Variants in EYS observed in about 807,000 individuals in gnomAD.
EYS encodes the protein protein eyes shut homolog.
Under a neutral mutation model 282.1 loss-of-function variants are expected in EYS, and 250 were observed. The observed-to-expected ratio is 0.89, with a 90% CI of 0.80 to 0.98. EYS has a LOEUF of 0.98. Ranked by LOEUF, EYS falls within the 50% of genes least tolerant of loss-of-function variation. The pLI is 0.00. For synonymous variants in EYS, 1,355 were observed against 1,282.9 expected (o/e 1.06, Z -1.20); for missense variants, 4,016 against 3,709.0 (o/e 1.08, Z -2.15).
intron 9 of EYS, among the ~76,000 whole-genome samples, chr6:65,348,548 T>TC (rs1045276288): frequency 6.6e-6 from 1 of 151,744 alleles, no homozygotes; most frequent in Non-Finnish European, 1.5e-5. Context: ...AGATCTTTTT[T>TC]CCCATTTCTA....
chr6:63,945,668 A>G (rs560191187), intron 35 of EYS, among the ~76,000 whole-genome samples: 3 of 152,344 alleles, frequency 2.0e-5, no homozygotes, highest in Middle Eastern at 3.4e-3. Flanking sequence ...GGGAAATGAA[A>G]TTGTATGATG....
intron 12 of EYS, among the ~76,000 whole-genome samples, chr6:65,195,276 T>G (rs1424496746): frequency 6.6e-6 from 1 of 151,978 alleles, no homozygotes; most frequent in African/African-American, 2.4e-5. Context: ...AATTCCATCA[T>G]CAACTTGTAA....
At chr6:64,395,640 G>C (rs867115547) in intron 28 of EYS, among the ~76,000 whole-genome samples, 4 of 130,840 alleles carry the variant, frequency 3.1e-5, no homozygotes, top group East Asian at 2.7e-4. Context: ...TGTCGGGTTG[G>C]GGGGAGGGGG....
chr6:64,483,571 GA>G (rs1776497442), intron 26 of EYS, among the ~76,000 whole-genome samples: 1 of 151,554 alleles, frequency 6.6e-6, no homozygotes, highest in Admixed American at 6.6e-5. Context: ...TCTCTCTGGT[GA>G]CCCCCAGGAA....
At chr6:64,599,796 T>C (rs998309734) in intron 24 of EYS, among the ~76,000 whole-genome samples, 1 of 152,166 alleles carries the variant, frequency 6.6e-6, no homozygotes, top group African/African-American at 2.4e-5. Flanking sequence ...CACTATACTA[T>C]ACTTTTGATA....
intron 2 of EYS, among the ~76,000 whole-genome samples, chr6:65,624,299 C>T (rs1766620181): frequency 6.6e-6 from 1 of 152,112 alleles, no homozygotes; most frequent in Non-Finnish European, 1.5e-5. Flanking sequence ...CCCCCTTAAT[C>T]TTCAATCCCT....
At chr6:64,340,117 T>C (rs955509210) in intron 29 of EYS, among the ~76,000 whole-genome samples, 9 of 151,602 alleles carry the variant, frequency 5.9e-5, no homozygotes, top group Admixed American at 1.3e-4. Flanking sequence ...GTTTTGCCTA[T>C]TTTTCAGCCC....
chr6:64,116,089 C>T (rs900310459), intron 31 of EYS, among the ~76,000 whole-genome samples: 2 of 151,838 alleles, frequency 1.3e-5, no homozygotes, highest in Non-Finnish European at 2.9e-5. Flanking sequence ...AAGAGAAATT[C>T]AGGTAATACA....
chr6:65,041,275 C>G (rs1289989621), intron 13 of EYS, among the ~76,000 whole-genome samples: 2 of 151,712 alleles, frequency 1.3e-5, no homozygotes, highest in Admixed American at 6.6e-5. Context: ...GCTCACGTTG[C>G]AGGTGAATAA....
intron 28 of EYS, among the ~76,000 whole-genome samples, chr6:64,427,030 T>C (rs1774434406): frequency 6.6e-6 from 1 of 152,190 alleles, no homozygotes; most frequent in Admixed American, 6.5e-5. Context: ...TTTTTGGCTA[T>C]CAAGTGAAAA....
chr6:65,150,718 T>C (rs1003865293), intron 12 of EYS, among the ~76,000 whole-genome samples: 2 of 115,628 alleles, frequency 1.7e-5, no homozygotes, highest in African/African-American at 6.5e-5. Flanking sequence ...TTTGTTCTAA[T>C]AGGTTAGTAA....
intron 12 of EYS, among the ~76,000 whole-genome samples, chr6:65,085,225 G>A (rs373329393): frequency 4.6e-5 from 7 of 152,270 alleles, no homozygotes; most frequent in African/African-American, 1.7e-4. Context: ...TAATCTTTTA[G>A]TGAGGCTCAG....
At chr6:65,345,848 C>G (rs1054135476) in intron 9 of EYS, among the ~76,000 whole-genome samples, 4 of 151,384 alleles carry the variant, frequency 2.6e-5, no homozygotes, top group Non-Finnish European at 5.9e-5. Context: ...AGAAAGGCTA[C>G]AGCCAAAACA....
At chr6:64,342,103 T>C (rs1194209928) in intron 29 of EYS, among the ~76,000 whole-genome samples, 1 of 151,570 alleles carries the variant, frequency 6.6e-6, no homozygotes, top group Non-Finnish European at 1.5e-5. Context: ...ATATTGTATA[T>C]AGTATAATTA....
At chr6:65,385,287 C>T (rs1765757604) in intron 7 of EYS, among the ~76,000 whole-genome samples, 1 of 151,850 alleles carries the variant, frequency 6.6e-6, no homozygotes, top group Admixed American at 6.6e-5. Flanking sequence ...GTGAATTTAA[C>T]TATGTATTTA....
intron 26 of EYS, among the ~76,000 whole-genome samples, chr6:64,563,136 A>G (rs1217601799): frequency 6.6e-6 from 1 of 152,062 alleles, no homozygotes; most frequent in Non-Finnish European, 1.5e-5. Flanking sequence ...AATAATTTAT[A>G]TAATCAAAAT....
intron 12 of EYS, among the ~76,000 whole-genome samples, chr6:65,079,477 A>G (rs765884781): frequency 6.6e-6 from 1 of 152,078 alleles, no homozygotes; most frequent in Non-Finnish European, 1.5e-5. Context: ...AGTTATCCAA[A>G]TTAAGATGCC....
At chr6:64,437,109 G>T (rs1387264306) in intron 27 of EYS, among the ~76,000 whole-genome samples, 3 of 79,284 alleles carry the variant, frequency 3.8e-5, no homozygotes, top group Non-Finnish European at 5.9e-5. Flanking sequence ...ATGATATTTG[G>T]GCCATTGCAA....
At chr6:65,133,625 G>A (rs1006126607) in intron 12 of EYS, among the ~76,000 whole-genome samples, 5 of 151,974 alleles carry the variant, frequency 3.3e-5, no homozygotes, top group Admixed American at 6.6e-5. Context: ...ATCAACACAC[G>A]ATGGATTAAA....
Sources: gnomAD v4.1 joint callset for allele counts (sites outside exome capture counted in the v4.1 genomes callset) on GRCh38, gnomAD v4.1.1 for gene constraint, MANE v1.5 for transcripts, NCBI Gene and HGNC (gene_info 2026-07-23, HGNC 2026-07-21) for gene names.